The following GRIK2 variants were observed in gnomAD, a reference collection of about 807,000 sequenced individuals.
GRIK2 encodes glutamate ionotropic receptor kainate type subunit 2.
In GRIK2, 32 loss-of-function variants were observed where a neutral mutation model predicts 100.3. That is an observed-to-expected ratio of 0.32 (90% CI 0.24 to 0.43). The LOEUF is 0.43. Among genes scored for constraint, GRIK2 ranks in the 20% least tolerant of loss-of-function variants. The pLI, the probability that GRIK2 is intolerant of heterozygous loss-of-function variation, is 1.00. For synonymous variants in GRIK2, 417 were observed against 389.4 expected, an observed-to-expected ratio of 1.07 and a Z score of -0.83; for missense variants, 843 against 1,114.9, an observed-to-expected ratio of 0.76 and a Z score of 3.47.
At chr6:101,682,802 C>G (rs978156301) in intron 6 of GRIK2, among the ~76,000 whole-genome samples, 196 bp downstream of exon 6, 15 of 151,998 alleles carry the variant, frequency 9.9e-5, no homozygotes, top group African/African-American at 3.6e-4. Context: ...AATATCATTT[C>G]AGATATCAAT....
chr6:101,534,864 CT>C (rs200576653), intron 2 of GRIK2, among the ~76,000 whole-genome samples: 20 of 150,732 alleles, frequency 1.3e-4, no homozygotes, highest in African/African-American at 4.4e-4. Context: ...TTTCTTTCCT[CT>C]TTTTTTTTCT....
chr6:101,717,260 A>G (rs889498483), intron 7 of GRIK2, among the ~76,000 whole-genome samples: 1 of 151,814 alleles, frequency 6.6e-6, no homozygotes, highest in Admixed American at 6.6e-5. Flanking sequence ...AAATTTAAGT[A>G]TAATGACTGA....
rs182253019 is a variant in GRIK2, at chr6:101,775,769, A to G, written c.952-23879A>G. ...ATATATATATGGAAACAATATATAT[A>G]TGTGTGTATATGGAAATTATATATG... On this transcript the variant is annotated intron_variant, in intron 7 of 16. Coordinates refer to ENST00000369134, the MANE Select transcript of GRIK2 (RefSeq NM_021956.5). 3.2e-3 allele frequency among the ~76,000 whole-genome samples: 485 copies of G among 151,634 alleles called. 2 individuals carry two copies. Among genetic ancestry groups the G allele is most frequent in the African/African-American group, 9.8e-3 (407 of 41,400 alleles).
chr6:101,618,106 GTTTTC>G (rs1307793384), intron 2 of GRIK2, among the ~76,000 whole-genome samples: 3 of 150,476 alleles, frequency 2.0e-5, no homozygotes, highest in Non-Finnish European at 4.5e-5. Context: ...ATCACTTTTT[GTTTTC>G]TTTTAAAACA....
intron 7 of GRIK2, among the ~76,000 whole-genome samples, chr6:101,778,275 G>C (rs922480913): frequency 6.6e-6 from 1 of 152,042 alleles, no homozygotes. Flanking sequence ...GATAGTTCTA[G>C]AATAAAATGA....
At chr6:101,599,218 G>T (rs1420997647) in intron 2 of GRIK2, among the ~76,000 whole-genome samples, 1 of 151,816 alleles carries the variant, frequency 6.6e-6, no homozygotes, top group African/African-American at 2.4e-5. Flanking sequence ...ATGGTCTCTA[G>T]CTGTATCCGT....
intron 9 of GRIK2, among the ~76,000 whole-genome samples, chr6:101,815,199 T>A (rs1363383139): frequency 6.6e-6 from 1 of 152,018 alleles, no homozygotes; most frequent in Non-Finnish European, 1.5e-5. Flanking sequence ...CAGGAAAAAA[T>A]AGGACCACAA....
In GRIK2 at chr6:101,799,683, G is replaced by A. The variant is rs768876735; in HGVS notation, c.987G>A (p.Val329=). Residue 329 remains valine (V), a synonymous_variant, in exon 8 of 17, where the codon GTG becomes GTA. Coordinates refer to ENST00000369134, the MANE Select transcript of GRIK2 (RefSeq NM_021956.5). ...CTCTAATGTATGATGCTGTGCATGT[G>A]GTGTCTGTGGCCGTTCAACAGTTTC... is the stretch of plus-strand genomic sequence containing the variant. ...DAALMYDAVH[V]VSVAVQQFPQ... 1.9e-6 allele frequency: 3 copies of A among 1,612,976 alleles called. No homozygotes were observed. The highest frequency in any genetic ancestry group is 2.5e-6 in the Non-Finnish European group (3 of 1,179,088).
chr6:101,714,899 C>T (rs990106552), intron 7 of GRIK2, among the ~76,000 whole-genome samples: 5 of 151,532 alleles, frequency 3.3e-5, no homozygotes, highest in African/African-American at 1.2e-4. Flanking sequence ...AAGCATTTTT[C>T]CAGTTTAAAT....
intron 14 of GRIK2, among the ~76,000 whole-genome samples, chr6:101,946,197 A>G (rs1582591284): frequency 6.6e-6 from 1 of 152,092 alleles, no homozygotes; most frequent in Non-Finnish European, 1.5e-5. Context: ...AATGGAAATA[A>G]GACAATAATT....
chr6:102,013,058 A>G (rs1355193353), intron 14 of GRIK2, among the ~76,000 whole-genome samples: 3 of 152,084 alleles, frequency 2.0e-5, no homozygotes, highest in African/African-American at 4.8e-5. Flanking sequence ...GATTTTTCCT[A>G]TCTATGAGTA....
chr6:101,684,132 A>T (rs946537578), intron 6 of GRIK2, among the ~76,000 whole-genome samples: 2 of 152,180 alleles, frequency 1.3e-5, no homozygotes, highest in Non-Finnish European at 2.9e-5. Context: ...GCATATCTCT[A>T]TATTATTTCC....
In GRIK2 at chr6:102,017,118, C is replaced by T. The variant is rs114835118; in HGVS notation, c.2086-18223C>T. On this transcript the variant is annotated intron_variant, in intron 14 of 16. Coordinates refer to ENST00000369134, the MANE Select transcript of GRIK2 (RefSeq NM_021956.5). The stretch of plus-strand genomic sequence containing the variant: ...TCTAGACCTGCCTTACAAGAGTTCC[C>T]GAAAGAAGCACTAAATATGGAAAGG... Among the ~76,000 whole-genome samples, 796 of 152,094 alleles carry T rather than the reference C, an allele frequency of 5.2e-3. 9 individuals carry two copies. Among genetic ancestry groups the T allele is most frequent in the African/African-American group, 0.019 (768 of 41,510 alleles).
intron 2 of GRIK2, among the ~76,000 whole-genome samples, chr6:101,533,244 C>A (rs1775528118): frequency 1.3e-5 from 2 of 151,678 alleles, no homozygotes. Context: ...AAAATAAATG[C>A]CCTTTGGGAA....
chr6:101,776,674 C>T (rs1443861438), intron 7 of GRIK2, among the ~76,000 whole-genome samples: 1 of 152,104 alleles, frequency 6.6e-6, no homozygotes, highest in Non-Finnish European at 1.5e-5. Context: ...AATATTTTAC[C>T]ACTCATCTTT....
At chr6:101,806,970 A>C (rs1417064439) in intron 9 of GRIK2, among the ~76,000 whole-genome samples, 2 of 151,702 alleles carry the variant, frequency 1.3e-5, no homozygotes, top group Non-Finnish European at 2.9e-5. Flanking sequence ...TTCCACTACT[A>C]TATATTAAGG....
Position 101,651,004 on chromosome 6 carries a change from C to CTT in GRIK2, c.541+24385_541+24386dup, listed in dbSNP as rs3056156. 5.9e-5 allele frequency among the ~76,000 whole-genome samples: 7 copies of CTT among 119,514 alleles called. No individual in the cohort carries two copies. In the Admixed American group the frequency reaches 6.1e-4, roughly 10 times the overall value. 78.4% of individuals were successfully genotyped at this position (119,514 alleles called of 152,430 possible). On this transcript the variant is annotated intron_variant, in intron 4 of 16. Coordinates refer to ENST00000369134, the MANE Select transcript of GRIK2 (RefSeq NM_021956.5). Reference sequence around the variant, plus strand: ...ACTCTTTTTGTATTTCTTTCTTTTTCTTTTTTTTTTTTTTTTTTTGGCAAC... The same window carrying CTT: ...ACTCTTTTTGTATTTCTTTCTTTTTCTTTTTTTTTTTTTTTTTTTTTGGCAAC...
chr6:102,016,587 A>T (rs746305084), intron 14 of GRIK2, among the ~76,000 whole-genome samples: 66 of 151,866 alleles, frequency 4.3e-4, no homozygotes, highest in South Asian at 8.3e-4. Context: ...AAAAAAATGA[A>T]AAGGGCCAAA....
chr6:101,929,437 A>C (rs1790120006), intron 14 of GRIK2, among the ~76,000 whole-genome samples: 1 of 152,048 alleles, frequency 6.6e-6, no homozygotes, highest in Non-Finnish European at 1.5e-5. Context: ...GTTCACAGAA[A>C]CACAACTGGC....
Sources: allele counts gnomAD v4.1 joint callset (sites outside exome capture counted in the v4.1 genomes callset), GRCh38; gene constraint gnomAD v4.1.1; transcripts MANE v1.5; gene names NCBI Gene and HGNC (gene_info 2026-07-23, HGNC 2026-07-21).